Variants in ASTN2 observed in about 807,000 individuals in gnomAD.
ASTN2 encodes the protein astrotactin 2, also known as astrotactin-2.
Under a neutral mutation model 139.8 loss-of-function variants are expected in ASTN2, and 54 were observed. That is an observed-to-expected ratio of 0.39 (90% CI 0.31 to 0.48). The LOEUF is 0.48. Ranked by LOEUF, ASTN2 falls within the 20% of genes least tolerant of loss-of-function variation. The pLI, the probability that ASTN2 is intolerant of heterozygous loss-of-function variation, is 0.95. For missense variants in ASTN2, 1,565 were observed against 1,725.1 expected, an observed-to-expected ratio of 0.91 and a Z score of 1.64; for synonymous variants, 756 against 719.5, an observed-to-expected ratio of 1.05 and a Z score of -0.81.
chr9:117,212,101 C>G (rs1832153854), intron 3 of ASTN2, among the ~76,000 whole-genome samples: 1 of 152,006 alleles, frequency 6.6e-6, no homozygotes, highest in African/African-American at 2.4e-5. Flanking sequence ...AATAGAGAAC[C>G]CAGAAATTTA....
At chr9:117,047,477 G>C (rs979719778) in intron 5 of ASTN2, among the ~76,000 whole-genome samples, 1 of 151,914 alleles carries the variant, frequency 6.6e-6, no homozygotes, top group African/African-American at 2.4e-5. Context: ...CTATAGATTT[G>C]TCCTTAATAA....
chr9:117,035,971 T>C (rs1838373598), intron 6 of ASTN2, among the ~76,000 whole-genome samples: 1 of 152,174 alleles, frequency 6.6e-6, no homozygotes, highest in Admixed American at 6.5e-5. Flanking sequence ...GAAGTCTCTT[T>C]CTCTACAAAC....
intron 16 of ASTN2, among the ~76,000 whole-genome samples, chr9:116,653,287 T>C (rs1858026587): frequency 6.6e-6 from 1 of 152,130 alleles, no homozygotes; most frequent in South Asian, 2.1e-4. Flanking sequence ...CCACAGCAAT[T>C]GATTGCATAG....
At chr9:117,392,757 A>G (rs1418125148) in intron 1 of ASTN2, among the ~76,000 whole-genome samples, 2 of 152,208 alleles carry the variant, frequency 1.3e-5, no homozygotes, top group African/African-American at 2.4e-5. Flanking sequence ...TACCCAGCAG[A>G]TGTTTCCAAT....
At chr9:117,284,320 G>A (rs1473405676) in intron 2 of ASTN2, among the ~76,000 whole-genome samples, 1 of 152,148 alleles carries the variant, frequency 6.6e-6, no homozygotes, top group African/African-American at 2.4e-5. Flanking sequence ...ACCCAGGCTG[G>A]TCTCAAACTC....
At chr9:117,244,923 C>A (rs981406996) in intron 2 of ASTN2, among the ~76,000 whole-genome samples, 3 of 151,996 alleles carry the variant, frequency 2.0e-5, no homozygotes, top group Admixed American at 2.0e-4. Context: ...GTTTAATGCA[C>A]GATTATTTTG....
chr9:117,338,386 A>G (rs1361455292), intron 1 of ASTN2, among the ~76,000 whole-genome samples: 1 of 152,116 alleles, frequency 6.6e-6, no homozygotes, highest in Non-Finnish European at 1.5e-5. Flanking sequence ...GAAGCATATA[A>G]GCACCTTCAA....
At position 117,402,733 on chromosome 9, in the gene ASTN2, A is replaced by T. The variant is rs1044995532; in HGVS notation, c.442+11764T>A. Among the ~76,000 whole-genome samples the T allele has an allele frequency of 1.2e-4, 19 of 152,316 alleles. No individual in the cohort carries two copies. In the South Asian group the frequency reaches 3.5e-3, roughly 28 times the overall value. ...ATCTGAAATTTAAATTTAAGTTGGC[A>T]TCATGTATTTTTATTTGCTAAACAG... On this transcript the variant is annotated intron_variant, in intron 1 of 22. Coordinates refer to ENST00000313400, the MANE Select transcript of ASTN2 (RefSeq NM_001365068.1).
intron 4 of ASTN2, among the ~76,000 whole-genome samples, chr9:117,098,200 C>A (rs1828885097): frequency 6.6e-6 from 1 of 152,190 alleles, no homozygotes; most frequent in African/African-American, 2.4e-5. Context: ...CTAAGTACAG[C>A]ATTCAGAGCT....
chr9:116,850,024 C>T (rs7869834), intron 11 of ASTN2, among the ~76,000 whole-genome samples: 3 of 152,138 alleles, frequency 2.0e-5, no homozygotes, highest in Non-Finnish European at 4.4e-5. Flanking sequence ...TGAATGGAGA[C>T]AGATGCCATA....
chr9:116,535,339 T>G (rs190976899), intron 19 of ASTN2, among the ~76,000 whole-genome samples: 1 of 152,354 alleles, frequency 6.6e-6, no homozygotes, highest in Admixed American at 6.5e-5. Context: ...TGTCTTTTAA[T>G]TGGAGCATTT....
At chr9:116,768,382 G>A (rs542317549) in intron 13 of ASTN2, among the ~76,000 whole-genome samples, 1 of 152,242 alleles carries the variant, frequency 6.6e-6, no homozygotes, top group East Asian at 1.9e-4. Flanking sequence ...CTCTCCTTAA[G>A]AAGCATGTTC....
chr9:116,460,706 T>A (rs906375081), intron 20 of ASTN2, among the ~76,000 whole-genome samples: 1 of 152,132 alleles, frequency 6.6e-6, no homozygotes, highest in Non-Finnish European at 1.5e-5. Context: ...GTCATGGATG[T>A]ATAAGCGGGG....
chr9:117,228,928 T>A (rs35231881), intron 2 of ASTN2, among the ~76,000 whole-genome samples: 1 of 151,700 alleles, frequency 6.6e-6, no homozygotes. Flanking sequence ...TCCTTGAACC[T>A]GGGAGGCGGA....
chr9:116,624,315 T>G (rs1856330036), intron 17 of ASTN2, among the ~76,000 whole-genome samples: 1 of 152,216 alleles, frequency 6.6e-6, no homozygotes, highest in African/African-American at 2.4e-5. Context: ...TTAAGTTCAG[T>G]ACACATTCAC....
chr9:117,180,225 A>C (rs925977874), intron 3 of ASTN2, among the ~76,000 whole-genome samples: 1 of 152,130 alleles, frequency 6.6e-6, no homozygotes. Context: ...TCTCAGTTAA[A>C]AGTTTTCAGT....
At chr9:117,196,803 C>G (rs147136197) in intron 3 of ASTN2, among the ~76,000 whole-genome samples, 1 of 152,062 alleles carries the variant, frequency 6.6e-6, no homozygotes, top group Admixed American at 6.5e-5. Flanking sequence ...ATGATAACAA[C>G]GATATAGATA....
chr9:117,131,899 G>T (rs1307064029), intron 4 of ASTN2, among the ~76,000 whole-genome samples: 1 of 152,074 alleles, frequency 6.6e-6, no homozygotes, highest in Non-Finnish European at 1.5e-5. Context: ...GGACTATCAT[G>T]GTCTATAGTC....
chr9:116,645,109 A>C (rs1361656426), intron 17 of ASTN2, among the ~76,000 whole-genome samples: 1 of 152,226 alleles, frequency 6.6e-6, no homozygotes, highest in Non-Finnish European at 1.5e-5. Context: ...GTCAGATCAC[A>C]TAGACAGTAA....
Sources: allele counts gnomAD v4.1 joint callset (sites outside exome capture counted in the v4.1 genomes callset), GRCh38; gene constraint gnomAD v4.1.1; transcripts MANE v1.5; gene names NCBI Gene and HGNC (gene_info 2026-07-23, HGNC 2026-07-21).